The following LSS variants were observed in gnomAD, a reference collection of about 807,000 sequenced individuals.
LSS encodes 2,3-epoxysqualene-lanosterol cyclase.
In LSS, 90 loss-of-function variants were observed where a neutral mutation model predicts 110.3. That is an observed-to-expected ratio of 0.82 (90% confidence interval 0.69 to 0.97). LSS has a LOEUF of 0.97. Ranked by LOEUF, LSS falls within the 50% of genes least tolerant of loss-of-function variation. LSS has a pLI of 0.00. For synonymous variants in LSS, 433 were observed against 400.0 expected, an observed-to-expected ratio of 1.08 and a Z score of -0.98; for missense variants, 927 against 990.0, an observed-to-expected ratio of 0.94 and a Z score of 0.85.
chr21:46,196,756 C>T (rs544446728), intron 17 of LSS, among the ~76,000 whole-genome samples: 1 of 152,336 alleles, frequency 6.6e-6, no homozygotes, highest in African/African-American at 2.4e-5. Context: ...TGTCTTTAAC[C>T]AGCAGATCAC....
rs1261489021 is a variant in LSS, at chr21:46,208,290, G to A, written c.1278C>T (p.Asn426=). The A allele has an allele frequency of 6.4e-7, 1 of 1,552,744 alleles. No individual in the cohort carries two copies. The highest frequency in any genetic ancestry group is 2.0e-5 in the Admixed American group (1 of 51,138). The part of the protein sequence containing the change: ...EFLRLSQVPD[N]PPDYQKYYRQ... ...GGTAGTACTTCTGGTAGTCGGGAGG[G>A]TTATCTGGGACCTGGGCAGCATCGA... The change falls in exon 14 of 22, where the codon AAC becomes AAT. Residue 426 remains asparagine, a synonymous_variant. Transcript: ENST00000397728.
chr21:46,210,666 G>C (rs1569028078), intron 12 of LSS, 22 bp downstream of exon 12: 12 of 1,613,208 alleles, frequency 7.4e-6, no homozygotes, highest in Middle Eastern at 1.7e-4. Context: ...CTGAGGCTGA[G>C]AAAAGAGAAG....
Position 46,189,209 on chromosome 21 carries a change from T to C in LSS, c.*1895A>G. The C allele has an allele frequency of 4.6e-6, 1 of 219,676 alleles. No homozygotes were observed. Among genetic ancestry groups the C allele is most frequent in the South Asian group, 6.7e-5 (1 of 14,948 alleles). The allele number at this position is 219,676 out of a possible 1,614,324, so 13.6% of individuals were successfully genotyped here. On this transcript the variant is annotated 3_prime_UTR_variant, in exon 22 of 22. Transcript: ENST00000397728. ...GTAACATTTTCAGTATAAAAATGGA[T>C]TTACATTTCATTTCTGGAAAACCGT...
intron 12 of LSS, 152 bp downstream of exon 12, chr21:46,210,536 C>T (rs547051499): frequency 1.1e-5 from 9 of 800,498 alleles, no homozygotes; most frequent in East Asian, 5.4e-5. Context: ...CTCCACAGCA[C>T]GACCCTCTGA....
chr21:46,227,166 G>A (rs570291012), intron 3 of LSS, among the ~76,000 whole-genome samples: 55 of 152,296 alleles, frequency 3.6e-4, no homozygotes, highest in Non-Finnish European at 6.0e-4. Flanking sequence ...TAGCCCCGAG[G>A]AAGTTCACAG....
chr21:46,194,367 C>G, intron 20 of LSS, 124 bp downstream of exon 20: 1 of 1,160,558 alleles, frequency 8.6e-7, no homozygotes, highest in African/African-American at 1.6e-5. Context: ...CCCAGAGTGG[C>G]AGCTGACCTG....
Position 46,215,188 on chromosome 21 carries a change from T to C in LSS, c.1003A>G (p.Ile335Val). 1 of 1,610,048 alleles carries C rather than the reference T, an allele frequency of 6.2e-7. No homozygotes were observed. The highest frequency in any genetic ancestry group is 1.7e-5 in the Admixed American group (1 of 60,008). Residue 335 changes from isoleucine (I) to valine (V), a missense_variant, in exon 9 of 22, where the codon ATC (isoleucine) becomes GTC (valine). Ile to Val is a conservative substitution (Grantham distance 29). Transcript: ENST00000397728. Reference sequence around the variant, plus strand: ...CGGGCAGGGGCACTGACCGGGCCGATGCTGATGCTCTTGGTGAATCGGTCG... The same window carrying C: ...CGGGCAGGGGCACTGACCGGGCCGACGCTGATGCTCTTGGTGAATCGGTCG... ...ADDRFTKSISIGPISKTINML... is the reference protein window; with the variant it reads ...ADDRFTKSISVGPISKTINML...
At chr21:46,225,520 A>G (rs540581416) in intron 3 of LSS, among the ~76,000 whole-genome samples, 14 of 152,310 alleles carry the variant, frequency 9.2e-5, no homozygotes, top group African/African-American at 3.4e-4. Flanking sequence ...GCCTGACATC[A>G]GTCAGGCCCA....
In LSS at chr21:46,216,149, A is replaced by C. The variant is rs578110447; in HGVS notation, c.783+240T>G. Among the ~76,000 whole-genome samples the C allele has an allele frequency of 1.3e-5, 2 of 152,222 alleles. No homozygotes were observed. Among genetic ancestry groups the C allele is most frequent in the African/African-American group, 4.8e-5 (2 of 41,548 alleles). On this transcript the variant is annotated intron_variant, in intron 7 of 21. Transcript: ENST00000397728. The surrounding 1 kb of genome is among the most constrained non-coding windows in gnomAD (Gnocchi z 4.2). Reference sequence around the variant, plus strand: ...GCCTCCTGCATCCCTTGAGTCCTGGAAGTCCCCCCCAGGAACCCTGGGCTA... The same window carrying C: ...GCCTCCTGCATCCCTTGAGTCCTGGCAGTCCCCCCCAGGAACCCTGGGCTA...
At chr21:46,205,287 G>T (rs560252253) in intron 17 of LSS, among the ~76,000 whole-genome samples, 5 of 124,088 alleles carry the variant, frequency 4.0e-5, no homozygotes, top group Non-Finnish European at 8.6e-5. Flanking sequence ...CTGACTAACC[G>T]CGAGCAGGAG....
chr21:46,219,067 G>C (rs1418411619), intron 6 of LSS, among the ~76,000 whole-genome samples: 1 of 152,142 alleles, frequency 6.6e-6, no homozygotes, highest in Non-Finnish European at 1.5e-5. Context: ...GAGTCCACAG[G>C]TGAGGTGTCA....
At chr21:46,200,779 T>C (rs151117696) in intron 17 of LSS, among the ~76,000 whole-genome samples, 1 of 152,336 alleles carries the variant, frequency 6.6e-6, no homozygotes, top group East Asian at 1.9e-4. Flanking sequence ...CAACCCATGA[T>C]ATTGGATTAA....
chr21:46,222,774 G>A, intron 3 of LSS, 36 bp from the exon 4 acceptor site: 1 of 1,528,894 alleles, frequency 6.5e-7, no homozygotes, highest in Non-Finnish European at 9.0e-7. Context: ...ACTGGGGACA[G>A]GTGGTCATGA....
intron 5 of LSS, chr21:46,221,638 G>A (rs140535342): frequency 9.8e-6 from 6 of 611,818 alleles, no homozygotes; most frequent in East Asian, 3.0e-5. Context: ...AATTGCAGGC[G>A]TGAGCCACTC....
chr21:46,226,384 G>A (rs1398435575), intron 3 of LSS, among the ~76,000 whole-genome samples: 1 of 152,170 alleles, frequency 6.6e-6, no homozygotes. Context: ...GCCTTACCAC[G>A]AGCCCTGAGA....
At chr21:46,203,321 C>T (rs1381532425) in intron 17 of LSS, among the ~76,000 whole-genome samples, 1 of 152,214 alleles carries the variant, frequency 6.6e-6, no homozygotes, top group African/African-American at 2.4e-5. Context: ...TGACACAACA[C>T]CTGTGCCATT....
At chr21:46,205,574 A>G (rs1400398104) in intron 17 of LSS, among the ~76,000 whole-genome samples, 2 of 152,248 alleles carry the variant, frequency 1.3e-5, no homozygotes, top group Non-Finnish European at 2.9e-5. Flanking sequence ...CGGTGGAGTC[A>G]GGTATGTGAT....
intron 17 of LSS, among the ~76,000 whole-genome samples, chr21:46,204,172 G>A (rs2123715982): frequency 6.6e-6 from 1 of 152,218 alleles, no homozygotes; most frequent in South Asian, 2.1e-4. Context: ...GTCAGCACCT[G>A]TAGTCCCAGC....
At chr21:46,195,643 C>T (rs2079899142) in intron 19 of LSS, 33 bp downstream of exon 19, 1 of 1,566,070 alleles carries the variant, frequency 6.4e-7, no homozygotes, top group South Asian at 1.1e-5. Flanking sequence ...GGGTTGAGAA[C>T]CCCCACCCAC....
Sources: allele counts gnomAD v4.1 joint callset (sites outside exome capture counted in the v4.1 genomes callset), GRCh38; gene constraint gnomAD v4.1.1; non-coding constraint Gnocchi (gnomAD v3.1); transcripts MANE v1.5; gene names NCBI Gene and HGNC (gene_info 2026-07-23, HGNC 2026-07-21).